Variants in ATP6V0A1 observed in about 807,000 individuals in gnomAD.
ATP6V0A1 encodes the protein V-type proton ATPase 116 kDa subunit a 1.
A neutral mutation model predicts 105.4 loss-of-function variants in ATP6V0A1; 43 were observed. The ratio of observed to expected loss-of-function variants is 0.41; its 90% CI spans 0.32 to 0.53. The LOEUF is 0.53. Among genes scored for constraint, ATP6V0A1 ranks in the 20% least tolerant of loss-of-function variants. ATP6V0A1 has a pLI of 0.30. For missense variants in ATP6V0A1, 676 were observed against 1,051.1 expected, an observed-to-expected ratio of 0.64 and a Z score of 4.93; for synonymous variants, 362 against 372.8, an observed-to-expected ratio of 0.97 and a Z score of 0.33.
chr17:42,483,685 G>A (rs1380886830), intron 9 of ATP6V0A1, among the ~76,000 whole-genome samples: 1 of 152,116 alleles, frequency 6.6e-6, no homozygotes, highest in Non-Finnish European at 1.5e-5. Context: ...AGGTTCAAGC[G>A]ATTCTCCTGC....
At chr17:42,499,076 A>G (rs761953934) in intron 15 of ATP6V0A1, 34 bp downstream of exon 15, 6 of 1,451,586 alleles carry the variant, frequency 4.1e-6, no homozygotes, top group East Asian at 4.6e-5. Context: ...AAGAATGTGC[A>G]TAGTTTAGAG....
intron 5 of ATP6V0A1, among the ~76,000 whole-genome samples, chr17:42,476,471 T>C (rs573221643): frequency 2.0e-5 from 3 of 152,358 alleles, no homozygotes; most frequent in East Asian, 3.9e-4. Flanking sequence ...TTTTGTCTTA[T>C]TGTGCTTTTG....
chr17:42,473,211 G>A (rs1285357475), intron 5 of ATP6V0A1, among the ~76,000 whole-genome samples: 2 of 152,192 alleles, frequency 1.3e-5, no homozygotes, highest in Non-Finnish European at 2.9e-5. Context: ...ATGACATCAC[G>A]TTAGAGGGTG....
At chr17:42,494,905 C>T (rs551724968) in intron 12 of ATP6V0A1, 129 bp from the exon 13 acceptor site, 27 of 1,058,524 alleles carry the variant, frequency 2.6e-5, no homozygotes, top group Middle Eastern at 2.2e-4. Context: ...TTGGTTTTTA[C>T]TTCAAGCTCT....
At chr17:42,497,962 C>T (rs1300375148) in intron 14 of ATP6V0A1, among the ~76,000 whole-genome samples, 1 of 150,344 alleles carries the variant, frequency 6.7e-6, no homozygotes, top group African/African-American at 2.4e-5. Context: ...AAAAGCCTTA[C>T]TGGCCGGGCG....
intron 21 of ATP6V0A1, chr17:42,518,147 A>G (rs917008193): frequency 2.6e-5 from 4 of 152,278 alleles, no homozygotes; most frequent in Admixed American, 2.6e-4. Context: ...TTATCACTGT[A>G]AACATCAAAC....
At chr17:42,513,759 C>G (rs559980107) in intron 19 of ATP6V0A1, 102 bp from the exon 20 acceptor site, 3 of 1,122,286 alleles carry the variant, frequency 2.7e-6, no homozygotes, top group Non-Finnish European at 4.0e-6. Flanking sequence ...GTGCAGTCCC[C>G]TGCCCTGGCC....
At chr17:42,477,922 A>C (rs1226290591) in intron 6 of ATP6V0A1, among the ~76,000 whole-genome samples, 180 bp downstream of exon 6, 1 of 152,144 alleles carries the variant, frequency 6.6e-6, no homozygotes, top group Admixed American at 6.6e-5. Flanking sequence ...TGCTGGGTCC[A>C]TAAGTGAAGC....
chr17:42,482,956 G>C, intron 8 of ATP6V0A1, 82 bp from the exon 9 acceptor site: 1 of 841,944 alleles, frequency 1.2e-6, no homozygotes, highest in Non-Finnish European at 1.6e-6. Flanking sequence ...ATCCTGTTTT[G>C]GTCCTTCTGG....
At chr17:42,463,569 A>G (rs1220990885) in intron 2 of ATP6V0A1, among the ~76,000 whole-genome samples, 1 of 152,200 alleles carries the variant, frequency 6.6e-6, no homozygotes, top group African/African-American at 2.4e-5. Context: ...CAGTGTTTTC[A>G]TCCTTTCTTT....
At chr17:42,513,773 G>C in intron 19 of ATP6V0A1, 88 bp from the exon 20 acceptor site, 1 of 1,305,888 alleles carries the variant, frequency 7.7e-7, no homozygotes, top group Non-Finnish European at 1.1e-6. Context: ...CCTGGCCCAG[G>C]TTCAAAGCGC....
intron 15 of ATP6V0A1, among the ~76,000 whole-genome samples, chr17:42,500,108 G>A (rs966484807): frequency 4.0e-5 from 6 of 151,138 alleles, no homozygotes; most frequent in African/African-American, 1.5e-4. Context: ...ATGAACTGTG[G>A]TCTCAAAATG....
At chr17:42,512,921 G>A (rs1463314588) in intron 19 of ATP6V0A1, among the ~76,000 whole-genome samples, 2 of 152,232 alleles carry the variant, frequency 1.3e-5, no homozygotes, top group Non-Finnish European at 2.9e-5. Context: ...CCATAAGGGA[G>A]CGCCTCCTGG....
In ATP6V0A1 at chr17:42,492,487, A is replaced by G. The variant is rs2090746963; in HGVS notation, c.1175-1847A>G. On this transcript the variant is annotated intron_variant, in intron 11 of 21. Transcript: ENST00000343619. ...TTTGGGAGGCCGAGGCAGGTGGATCACCTGAGGTCAGGAGTTCGAGACCAG... is the reference window on the plus strand; with the variant it reads ...TTTGGGAGGCCGAGGCAGGTGGATCGCCTGAGGTCAGGAGTTCGAGACCAG... Among the ~76,000 whole-genome samples the G allele has an allele frequency of 1.3e-5, 2 of 151,526 alleles. 1 individual carries two copies. The highest frequency in any genetic ancestry group is 4.2e-4 in the South Asian group (2 of 4,802).
intron 17 of ATP6V0A1, among the ~76,000 whole-genome samples, chr17:42,506,547 G>A (rs989037818): frequency 1.3e-4 from 20 of 152,274 alleles, no homozygotes; most frequent in Admixed American, 1.3e-3. Context: ...AGGCCAGGTT[G>A]CAGGAGAGCT....
chr17:42,515,492 G>A (rs1465465044), intron 21 of ATP6V0A1, among the ~76,000 whole-genome samples: 1 of 146,880 alleles, frequency 6.8e-6, no homozygotes, highest in African/African-American at 2.5e-5. Flanking sequence ...AAAAAATAGG[G>A]GAGGGGTTGG....
intron 17 of ATP6V0A1, among the ~76,000 whole-genome samples, chr17:42,502,507 C>T (rs886452674): frequency 6.6e-6 from 1 of 152,128 alleles, no homozygotes; most frequent in Non-Finnish European, 1.5e-5. Flanking sequence ...CACACACACA[C>T]ACACACACAG....
At chr17:42,459,147 C>T (rs2086090879) in intron 1 of ATP6V0A1, 184 bp downstream of exon 1, 1 of 152,230 alleles carries the variant, frequency 6.6e-6, no homozygotes, top group Non-Finnish European at 1.5e-5. Flanking sequence ...GGCTCACTGC[C>T]CTTTGGAAGC....
Position 42,459,629 on chromosome 17 carries a change from C to T in ATP6V0A1, c.-48+666C>T, listed in dbSNP as rs144494501. Among the ~76,000 whole-genome samples the T allele has an allele frequency of 7.8e-3, 1,186 of 152,268 alleles. 51 individuals carry two copies. Among genetic ancestry groups the T allele is most frequent in the Admixed American group, 0.07 (1,069 of 15,280 alleles). On this transcript the variant is annotated intron_variant, in intron 1 of 21. Coordinates refer to ENST00000343619, the MANE Select transcript of ATP6V0A1 (RefSeq NM_001130021.3). The stretch of plus-strand genomic sequence containing the variant: ...AGCTCCTGAACTATGCTGACCAGGC[C>T]TAATTTTATGTGTTTAGAGGTTGTA...
Sources: gnomAD v4.1 joint callset for allele counts (sites outside exome capture counted in the v4.1 genomes callset) on GRCh38, gnomAD v4.1.1 for gene constraint, MANE v1.5 for transcripts, NCBI Gene and HGNC (gene_info 2026-07-23, HGNC 2026-07-21) for gene names.